FAM193A: variants seen among roughly 807,000 people sequenced by gnomAD.
FAM193A encodes the protein protein FAM193A.
Under a neutral mutation model 126.5 loss-of-function variants are expected in FAM193A, and 22 were observed. The observed-to-expected ratio is 0.17, with a 90% CI of 0.12 to 0.25. The LOEUF (loss-of-function observed/expected upper bound fraction) is 0.25, where lower values mean the gene tolerates loss of function less well. Ranked by LOEUF, FAM193A falls within the 10% of genes least tolerant of loss-of-function variation. The probability of loss-of-function intolerance (pLI) is 1.00; values close to 1 mark genes in which losing one functional copy is unlikely to be tolerated. For synonymous variants in FAM193A, 761 were observed against 646.8 expected, an observed-to-expected ratio of 1.18 and a Z score of -2.68; for missense variants, 1,675 against 1,672.8, an observed-to-expected ratio of 1.00 and a Z score of -0.02.
chr4:2,561,109 C>A (rs78757573), intron 1 of FAM193A, among the ~76,000 whole-genome samples: 10,065 of 152,286 alleles, frequency 0.066, 588 homozygotes, highest in African/African-American at 0.15. Context: ...CAACACCTTG[C>A]TGTAGGTTAT....
intron 2 of FAM193A, among the ~76,000 whole-genome samples, chr4:2,600,658 C>G (rs568385117): frequency 1.3e-5 from 2 of 152,196 alleles, no homozygotes; most frequent in Non-Finnish European, 2.9e-5. Context: ...CCCCAAACCC[C>G]CATAGCTGAG....
intron 19 of FAM193A, among the ~76,000 whole-genome samples, chr4:2,703,756 G>T (rs1401910534): frequency 1.4e-5 from 2 of 147,146 alleles, no homozygotes; most frequent in Non-Finnish European, 3.0e-5. Context: ...CTGAGGCCGG[G>T]AATTTAAGAC....
chr4:2,699,662 T>G lies in FAM193A; in HGVS notation c.3508-18T>G, dbSNP rs1717469498. 4.4e-6 allele frequency: 7 copies of G among 1,575,684 alleles called. No individual in the cohort carries two copies. Among genetic ancestry groups the G allele is most frequent in the Non-Finnish European group, 5.1e-6 (6 of 1,166,548 alleles). ...GCACTCACTGTAGTCTTAAATTGCCTTCTTTTTGCATTGGCAGCTGGAGGA... is the reference window on the plus strand; with the variant it reads ...GCACTCACTGTAGTCTTAAATTGCCGTCTTTTTGCATTGGCAGCTGGAGGA... On this transcript the variant is annotated intron_variant, in intron 18 of 20. Coordinates refer to ENST00000637812, the MANE Select transcript of FAM193A (RefSeq NM_001366318.2).
Position 2,709,323 on chromosome 4 carries a change from A to G in FAM193A, c.4373-6700A>G, listed in dbSNP as rs181132149. 2.4e-3 allele frequency among the ~76,000 whole-genome samples: 372 copies of G among 152,242 alleles called. 2 individuals carry two copies. The highest frequency in any genetic ancestry group is 3.4e-3 in the Middle Eastern group (1 of 294). On this transcript the variant is annotated intron_variant, in intron 19 of 20. Coordinates refer to ENST00000637812, the MANE Select transcript of FAM193A (RefSeq NM_001366318.2). The stretch of plus-strand genomic sequence containing the variant: ...TATTTAATATATTTACATCTATATT[A>G]TTTTTAGGAGAGATGGGTCTGTGAC...
At chr4:2,636,102 C>T (rs975414186) in intron 5 of FAM193A, among the ~76,000 whole-genome samples, 4 of 150,250 alleles carry the variant, frequency 2.7e-5, no homozygotes, top group African/African-American at 9.8e-5. Flanking sequence ...AAAAAAATCT[C>T]GCTCTGTCTC....
intron 1 of FAM193A, among the ~76,000 whole-genome samples, chr4:2,540,059 A>T (rs913901418): frequency 1.3e-5 from 2 of 151,690 alleles, no homozygotes; most frequent in Non-Finnish European, 2.9e-5. Context: ...TGTAGGTTGC[A>T]GTGAGCTGAG....
chr4:2,580,862 G>A (rs1013780859), intron 1 of FAM193A, among the ~76,000 whole-genome samples: 1 of 152,210 alleles, frequency 6.6e-6, no homozygotes, highest in African/African-American at 2.4e-5. Flanking sequence ...ATTTGGCCGG[G>A]CTCACGCCTG....
In FAM193A at chr4:2,693,587, T is replaced by C; in HGVS notation, c.2805T>C (p.Gly935=). 1.2e-6 allele frequency: 2 copies of C among 1,608,248 alleles called. No homozygotes were observed. The highest frequency in any genetic ancestry group is 1.7e-6 in the Non-Finnish European group (2 of 1,175,426). ...RVSSKRPPSV[G]DVFHGISKED... is the part of the protein sequence containing the mutation. ...TGACTCTCGCCTCTCTAAATGCAGGTGACGTGTTTCATGGCATCAGCAAGG... is the reference window on the plus strand; with the variant it reads ...TGACTCTCGCCTCTCTAAATGCAGGCGACGTGTTTCATGGCATCAGCAAGG... The change falls in exon 16 of 21, where the codon GGT becomes GGC. Residue 935 remains glycine (G), a splice_region_variant and synonymous_variant. Coordinates refer to ENST00000637812, the MANE Select transcript of FAM193A (RefSeq NM_001366318.2).
chr4:2,560,984 T>C (rs933374251), intron 1 of FAM193A, among the ~76,000 whole-genome samples: 5 of 152,172 alleles, frequency 3.3e-5, no homozygotes, highest in Non-Finnish European at 5.9e-5. Flanking sequence ...GACTGTGATA[T>C]CCACCTTTCT....
At chr4:2,605,563 TGTC>T (rs1741485245) in intron 2 of FAM193A, among the ~76,000 whole-genome samples, 1 of 152,238 alleles carries the variant, frequency 6.6e-6, no homozygotes, top group Non-Finnish European at 1.5e-5. Context: ...GACATTCTGT[TGTC>T]TATAAATAGA....
At chr4:2,730,896 T>A (rs1235831493) in intron 20 of FAM193A, among the ~76,000 whole-genome samples, 2 of 149,512 alleles carry the variant, frequency 1.3e-5, no homozygotes, top group East Asian at 4.0e-4. Context: ...TTGAAAAAAA[T>A]TAAAAATTAG....
chr4:2,698,176 T>TC lies in FAM193A; in HGVS notation c.3508-1501dup, dbSNP rs1460046510. Among the ~76,000 whole-genome samples the TC allele has an allele frequency of 3.9e-5, 6 of 152,342 alleles. No individual in the cohort carries two copies. In the East Asian group the frequency reaches 1.2e-3, roughly 29 times the overall value. On this transcript the variant is annotated intron_variant, in intron 18 of 20. Coordinates refer to ENST00000637812, the MANE Select transcript of FAM193A (RefSeq NM_001366318.2). ...AGCAATAGTTGACCTATGGACTCTG[T>TC]CCCGTAGCAGGTCCAAACCGGGGGC...
chr4:2,729,704 A>G (rs954729428), intron 20 of FAM193A, among the ~76,000 whole-genome samples: 7 of 152,126 alleles, frequency 4.6e-5, no homozygotes, highest in African/African-American at 1.7e-4. Flanking sequence ...TCTGCCCACC[A>G]GGCTGAAGCC....
At position 2,536,829 on chromosome 4, in the gene FAM193A, G is replaced by A; in HGVS notation, c.-87G>A. The A allele has an allele frequency of 7.2e-6, 1 of 139,108 alleles. No homozygotes were observed. Among genetic ancestry groups the A allele is most frequent in the Non-Finnish European group, 1.6e-5 (1 of 63,808 alleles). 8.6% of individuals were successfully genotyped at this position (139,108 alleles called of 1,614,324 possible). A position where few individuals can be genotyped will look rare whatever the true frequency, so the allele number is the denominator to read the frequency against. ...CCGGCTGGCCGGAGCGCCCGCCGCCGCGGCCGCCTCAGCCTCCCCGCCTTC... is the reference window on the plus strand; with the variant it reads ...CCGGCTGGCCGGAGCGCCCGCCGCCACGGCCGCCTCAGCCTCCCCGCCTTC... On this transcript the variant is annotated 5_prime_UTR_variant, in exon 1 of 21. Transcript: ENST00000637812.
In FAM193A at chr4:2,711,317, A is replaced by C. The variant is rs867258264; in HGVS notation, c.4373-4706A>C. Among the ~76,000 whole-genome samples, 12 of 151,188 alleles carry C rather than the reference A, an allele frequency of 7.9e-5. No homozygotes were observed. The East Asian group carries it at 9.8e-4, about 12-fold the overall frequency. Reference sequence around the variant, plus strand: ...AATATCCCATGGAATCTGATAGATAATTTTTCCTTTTTTGTTTGTTTGTTT... The same window carrying C: ...AATATCCCATGGAATCTGATAGATACTTTTTCCTTTTTTGTTTGTTTGTTT... On this transcript the variant is annotated intron_variant, in intron 19 of 20. Coordinates refer to ENST00000637812, the MANE Select transcript of FAM193A (RefSeq NM_001366318.2).
chr4:2,546,817 T>C (rs1242423389), intron 1 of FAM193A, among the ~76,000 whole-genome samples: 1 of 152,196 alleles, frequency 6.6e-6, no homozygotes, highest in East Asian at 1.9e-4. Context: ...GGTAACATTA[T>C]GTGAAACCGC....
chr4:2,709,021 T>C (rs138037095), intron 19 of FAM193A, among the ~76,000 whole-genome samples: 1 of 152,128 alleles, frequency 6.6e-6, no homozygotes, highest in Non-Finnish European at 1.5e-5. Context: ...TATTATAAGA[T>C]AATTATTTAA....
At chr4:2,716,373 C>T (rs1719535733) in intron 20 of FAM193A, among the ~76,000 whole-genome samples, 1 of 152,204 alleles carries the variant, frequency 6.6e-6, no homozygotes. Context: ...CCTTCCCCGC[C>T]AACTGGCTGT....
chr4:2,575,302 T>A (rs866502230), intron 1 of FAM193A, among the ~76,000 whole-genome samples: 4 of 152,118 alleles, frequency 2.6e-5, no homozygotes, highest in African/African-American at 9.7e-5. Flanking sequence ...GACATGGTGA[T>A]CATGGAAGGT....
Sources: gnomAD v4.1 joint callset for allele counts (sites outside exome capture counted in the v4.1 genomes callset) on GRCh38, gnomAD v4.1.1 for gene constraint, MANE v1.5 for transcripts, NCBI Gene and HGNC (gene_info 2026-07-23, HGNC 2026-07-21) for gene names.